Variants in SULT1C4 observed in about 807,000 individuals in gnomAD.
The protein encoded by SULT1C4 is sulfotransferase 1C4.
Under a neutral mutation model 34.8 loss-of-function variants are expected in SULT1C4, and 32 were observed. The ratio of observed to expected loss-of-function variants is 0.92; its 90% CI spans 0.69 to 1.23. The LOEUF (loss-of-function observed/expected upper bound fraction) is 1.23, where lower values mean the gene tolerates loss of function less well. Ranked by LOEUF, SULT1C4 falls within the 50% of genes most tolerant of loss-of-function variation. The pLI is 0.00. For synonymous variants in SULT1C4, 111 were observed against 120.5 expected, an observed-to-expected ratio of 0.92 and a Z score of 0.51; for missense variants, 375 against 365.9, an observed-to-expected ratio of 1.02 and a Z score of -0.20.
intron 5 of SULT1C4, among the ~76,000 whole-genome samples, chr2:108,384,975 A>G (rs928732578): frequency 6.6e-5 from 10 of 152,230 alleles, no homozygotes; most frequent in African/African-American, 2.4e-4. Context: ...CTAAGGTTCA[A>G]TCACTGCTGG....
intron 5 of SULT1C4, among the ~76,000 whole-genome samples, chr2:108,385,642 A>T (rs1026520258): frequency 6.6e-6 from 1 of 152,130 alleles, no homozygotes; most frequent in African/African-American, 2.4e-5. Context: ...TTTGATGCGA[A>T]ATCAGTAGCT....
chr2:108,378,545 G>A (rs2104338488), intron 1 of SULT1C4, 39 bp downstream of exon 1: 5 of 1,597,652 alleles, frequency 3.1e-6, no homozygotes, highest in South Asian at 1.1e-5. Context: ...GAAGAGGAGA[G>A]TTAGGAAGGT....
Position 108,387,771 on chromosome 2 carries a change from C to A in SULT1C4, c.*339C>A. On this transcript the variant is annotated 3_prime_UTR_variant, in exon 7 of 7. Coordinates refer to ENST00000272452, the MANE Select transcript of SULT1C4 (RefSeq NM_006588.4). ...TCACATGATAATACACTAACATTTT[C>A]AGATTAAGTTTTGGTTCAAGTTAAT... 3 of 179,492 alleles carry A rather than the reference C, an allele frequency of 1.7e-5. No homozygotes were observed. The highest frequency in any genetic ancestry group is 2.3e-5 in the Non-Finnish European group (2 of 86,842). 11.1% of individuals were successfully genotyped at this position (179,492 alleles called of 1,614,324 possible). A position where few individuals can be genotyped will look rare whatever the true frequency, so the allele number is the denominator to read the frequency against.
At chr2:108,384,978 A>ACTGCTGGGC (rs1261486224) in intron 5 of SULT1C4, among the ~76,000 whole-genome samples, 2 of 152,214 alleles carry the variant, frequency 1.3e-5, no homozygotes, top group Non-Finnish European at 2.9e-5. Flanking sequence ...AGGTTCAATC[A>ACTGCTGGGC]CTGCTGGGCC....
chr2:108,383,553 A>G, intron 5 of SULT1C4, 43 bp downstream of exon 5: 1 of 1,565,028 alleles, frequency 6.4e-7, no homozygotes, highest in Non-Finnish European at 8.7e-7. Flanking sequence ...GGACCATAAA[A>G]CATTTAAGTC....
intron 1 of SULT1C4, among the ~76,000 whole-genome samples, chr2:108,379,041 TG>T (rs41436445): frequency 1.3e-5 from 2 of 152,326 alleles, no homozygotes; most frequent in East Asian, 3.9e-4. Context: ...TTAACAAAGT[TG>T]TCTGTAAAAG....
In SULT1C4 at chr2:108,386,302, T is replaced by C. The variant is rs1678567174; in HGVS notation, c.726T>C (p.Asn242=). 6.3e-7 allele frequency: 1 copy of C among 1,583,378 alleles called. No homozygotes were observed. The highest frequency in any genetic ancestry group is 8.6e-7 in the Non-Finnish European group (1 of 1,164,014). ...HYTSFDVMKQ[N]PMANYSSIPA... is the part of the protein sequence containing the mutation. ...CTTCGTTTGATGTCATGAAACAGAA[T>C]CCAATGGCAAACTATTCATCGATTC... Residue 242 remains asparagine (N), a synonymous_variant, in exon 6 of 7, where the codon AAT becomes AAC. Transcript: ENST00000272452.
intron 3 of SULT1C4, 161 bp from the exon 4 acceptor site, chr2:108,382,928 AAAAG>A: frequency 4.9e-6 from 2 of 406,596 alleles, no homozygotes; most frequent in South Asian, 8.0e-5. Flanking sequence ...AAAAAAAAAA[AAAAG>A]TCTCCCATAA....
intron 5 of SULT1C4, among the ~76,000 whole-genome samples, chr2:108,385,164 T>C (rs1293879823): frequency 6.6e-6 from 1 of 152,220 alleles, no homozygotes; most frequent in Non-Finnish European, 1.5e-5. Context: ...TTTACTTTGT[T>C]TTTACTTGGT....
intron 1 of SULT1C4, among the ~76,000 whole-genome samples, chr2:108,380,253 C>T (rs1306132851): frequency 6.6e-6 from 1 of 152,164 alleles, no homozygotes; most frequent in Non-Finnish European, 1.5e-5. Context: ...GTGGCTCACA[C>T]CTGTAATCCC....
In SULT1C4 at chr2:108,383,706, T is replaced by C. The variant is rs1573296963; in HGVS notation, c.615+196T>C. ...TCACACAGTCTCACCTGCAGCTTCC[T>C]GGTGCTCCCAGGGATGCTGCACATT... On this transcript the variant is annotated intron_variant, in intron 5 of 6. Transcript: ENST00000272452. Among the ~76,000 whole-genome samples, 4 of 152,350 alleles carry C rather than the reference T, an allele frequency of 2.6e-5. No homozygotes were observed. The Middle Eastern group carries it at 0.01, about 389-fold the overall frequency.
In SULT1C4 at chr2:108,383,443, T is replaced by A; in HGVS notation, c.548T>A (p.Val183Glu). 1.2e-6 allele frequency: 2 copies of A among 1,614,178 alleles called. No homozygotes were observed. The highest frequency in any genetic ancestry group is 3.3e-5 in the Admixed American group (2 of 60,020). ...KVCWGSWHEH[V>E]KGWWEAKDKH... Reference sequence around the variant, plus strand: ...TGCTGGGGCTCCTGGCATGAACATGTGAAAGGATGGTGGGAAGCCAAAGAC... The same window carrying A: ...TGCTGGGGCTCCTGGCATGAACATGAGAAAGGATGGTGGGAAGCCAAAGAC... The change falls in exon 5 of 7, where the codon GTG becomes GAG. Residue 183 changes from valine to glutamate, a missense_variant. By Grantham distance (121) the Val-to-Glu change is moderately radical. Transcript: ENST00000272452.
intron 3 of SULT1C4, 45 bp downstream of exon 3, chr2:108,382,527 C>A: frequency 7.0e-7 from 1 of 1,436,846 alleles, no homozygotes; most frequent in Non-Finnish European, 9.8e-7. Flanking sequence ...TTAAAACAAC[C>A]TTAGTCTTCC....
chr2:108,382,675 G>T, intron 3 of SULT1C4, 193 bp downstream of exon 3: 1 of 551,588 alleles, frequency 1.8e-6, no homozygotes, highest in Admixed American at 3.2e-5. Context: ...AGACTGAGAT[G>T]GGTGGATCAG....
chr2:108,383,869 G>GT (rs137910188), intron 5 of SULT1C4, among the ~76,000 whole-genome samples: 9,306 of 148,390 alleles, frequency 0.063, 746 homozygotes, highest in African/African-American at 0.19. Flanking sequence ...TTTTGTTTTT[G>GT]TTTTTGTTTT....
Position 108,381,840 on chromosome 2 carries a change from A to G in SULT1C4, c.248A>G (p.His83Arg). ...DVEKSKRAPT[H>R]QRFPFLEMKI... is the part of the protein sequence containing the mutation. ...GAGAAAAGTAAACGGGCACCGACTC[A>G]TCAACGATTTCCTTTCCTCGAAATG... The change falls in exon 2 of 7, where the codon CAT (histidine) becomes CGT (arginine). Residue 83 changes from histidine (H) to arginine (R), a missense_variant. His to Arg is a conservative substitution (Grantham distance 29). Transcript: ENST00000272452. The G allele has an allele frequency of 1.3e-6, 2 of 1,510,342 alleles. No homozygotes were observed. Among genetic ancestry groups the G allele is most frequent in the African/African-American group, 1.4e-5 (1 of 69,638 alleles). The allele number at this position is 1,510,342 out of a possible 1,614,324, so 93.6% of individuals were successfully genotyped here.
intron 1 of SULT1C4, among the ~76,000 whole-genome samples, chr2:108,380,198 G>A (rs1678349492): frequency 6.6e-6 from 1 of 152,190 alleles, no homozygotes; most frequent in African/African-American, 2.4e-5. Flanking sequence ...ATACAGGAAA[G>A]ATCAACCTAG....
At chr2:108,382,007 C>A (rs1040913035) in intron 2 of SULT1C4, 120 bp downstream of exon 2, 6 of 1,141,810 alleles carry the variant, frequency 5.3e-6, no homozygotes, top group Non-Finnish European at 2.3e-6. Context: ...ATGGTTTTGT[C>A]TTTTTTTAAC....
chr2:108,383,027 CAA>C (rs375960129), intron 3 of SULT1C4, 64 bp from the exon 4 acceptor site: 40,481 of 1,235,862 alleles, frequency 0.033, no homozygotes, highest in South Asian at 0.06. Context: ...GCAGTAACAG[CAA>C]AAAAAAAAAA....
Sources: gnomAD v4.1 joint callset for allele counts (sites outside exome capture counted in the v4.1 genomes callset) on GRCh38, gnomAD v4.1.1 for gene constraint, MANE v1.5 for transcripts, NCBI Gene and HGNC (gene_info 2026-07-23, HGNC 2026-07-21) for gene names.